TRPM3: variants seen among roughly 807,000 people sequenced by gnomAD.
The protein encoded by TRPM3 is long transient receptor potential channel 3.
In TRPM3, 77 loss-of-function variants were observed where a neutral mutation model predicts 181.2. That is an observed-to-expected ratio of 0.42 (90% CI 0.35 to 0.51). The LOEUF is 0.51. TRPM3 is among the 20% of genes least tolerant of loss of function. The pLI is 0.01. For missense variants in TRPM3, 1,759 were observed against 2,196.7 expected, an observed-to-expected ratio of 0.80 and a Z score of 3.98; for synonymous variants, 745 against 796.4, an observed-to-expected ratio of 0.94 and a Z score of 1.09.
intron 6 of TRPM3, chr9:70,809,884 T>C: frequency 2.0e-6 from 1 of 508,000 alleles, no homozygotes. Context: ...TTTTCATCTC[T>C]CTTATGGGAC....
At chr9:71,420,727 G>GAGAGAGAGGA (rs2093725193) in intron 1 of TRPM3, among the ~76,000 whole-genome samples, 4 of 45,322 alleles carry the variant, frequency 8.8e-5, no homozygotes, top group Non-Finnish European at 1.6e-4. Flanking sequence ...GAGAAAGAGA[G>GAGAGAGAGGA]AGAGAGAGAA....
chr9:70,638,682 G>A (rs2057598741), intron 11 of TRPM3, among the ~76,000 whole-genome samples: 1 of 152,192 alleles, frequency 6.6e-6, no homozygotes, highest in Non-Finnish European at 1.5e-5. Flanking sequence ...AATGGCGCAG[G>A]TTACTTAATC....
intron 1 of TRPM3, among the ~76,000 whole-genome samples, chr9:71,111,041 T>C (rs1170960007): frequency 6.6e-6 from 1 of 152,164 alleles, no homozygotes; most frequent in Non-Finnish European, 1.5e-5. Context: ...TGGATAACCA[T>C]CAATCAAACT....
At chr9:71,170,000 C>CAA (rs34087746) in intron 1 of TRPM3, among the ~76,000 whole-genome samples, 23 of 77,118 alleles carry the variant, frequency 3.0e-4, no homozygotes, top group East Asian at 8.0e-4. Context: ...GACTCTGTCT[C>CAA]AAAAAAAAAA....
At chr9:70,839,020 C>T (rs1045116581) in intron 5 of TRPM3, among the ~76,000 whole-genome samples, 3 of 152,136 alleles carry the variant, frequency 2.0e-5, no homozygotes, top group East Asian at 3.9e-4. Context: ...CCTCACCTTC[C>T]ACCTTCCACC....
At position 70,696,737 on chromosome 9, in the gene TRPM3, C is replaced by T. The variant is rs1282116961; in HGVS notation, c.1273-15159G>A. Among the ~76,000 whole-genome samples the T allele has an allele frequency of 3.3e-5, 5 of 151,988 alleles. No homozygotes were observed. In the South Asian group the frequency reaches 6.2e-4, roughly 19 times the overall value. On this transcript the variant is annotated intron_variant, in intron 8 of 25. Transcript: ENST00000677713. ...ATCTGAAAGCATTTGTAAACAGATACGAGATTATATTTTAACATGATGATT... is the reference window on the plus strand; with the variant it reads ...ATCTGAAAGCATTTGTAAACAGATATGAGATTATATTTTAACATGATGATT...
intron 1 of TRPM3, among the ~76,000 whole-genome samples, chr9:71,165,198 T>C (rs1272909362): frequency 1.3e-5 from 2 of 152,156 alleles, no homozygotes; most frequent in African/African-American, 4.8e-5. Context: ...CCTATACCTA[T>C]TTTCACAAGC....
intron 11 of TRPM3, among the ~76,000 whole-genome samples, chr9:70,637,540 T>G (rs1821499098): frequency 6.6e-6 from 1 of 151,946 alleles, no homozygotes; most frequent in African/African-American, 2.4e-5. Flanking sequence ...ATTTATTTAT[T>G]TTTTTTAATT....
intron 1 of TRPM3, among the ~76,000 whole-genome samples, chr9:70,930,422 C>T (rs557205480): frequency 4.1e-4 from 63 of 152,154 alleles, no homozygotes; most frequent in African/African-American, 1.4e-3. Context: ...TTTTATACTT[C>T]CTTTCATCAC....
At chr9:71,155,978 T>C (rs1227155135) in intron 1 of TRPM3, among the ~76,000 whole-genome samples, 2 of 152,112 alleles carry the variant, frequency 1.3e-5, no homozygotes, top group African/African-American at 2.4e-5. Context: ...TTGGCTCATC[T>C]GGTATTAAGC....
In TRPM3 at chr9:70,796,994, G is replaced by A. The variant is rs114095239; in HGVS notation, c.974-12715C>T. ...AAAATTTAAAAGTTAGCTGGGCATGGTGGTATATACCTTTAGTCCCAGCTA... is the reference window on the plus strand; with the variant it reads ...AAAATTTAAAAGTTAGCTGGGCATGATGGTATATACCTTTAGTCCCAGCTA... On this transcript the variant is annotated intron_variant, in intron 6 of 25. Coordinates refer to ENST00000677713, the MANE Select transcript of TRPM3 (RefSeq NM_001366145.2). Among the ~76,000 whole-genome samples the A allele has an allele frequency of 2.0e-3, 300 of 152,230 alleles. 3 individuals carry two copies. Among genetic ancestry groups the A allele is most frequent in the African/African-American group, 6.9e-3 (286 of 41,536 alleles).
intron 1 of TRPM3, among the ~76,000 whole-genome samples, chr9:71,259,183 T>C (rs925397840): frequency 9.9e-5 from 15 of 152,204 alleles, no homozygotes; most frequent in Non-Finnish European, 1.6e-4. Context: ...CTGAGAATGA[T>C]GGTTTCCAGC....
intron 3 of TRPM3, among the ~76,000 whole-genome samples, chr9:70,858,392 A>G (rs1261248503): frequency 6.6e-6 from 1 of 152,062 alleles, no homozygotes; most frequent in East Asian, 1.9e-4. Context: ...GTTTGAGAGG[A>G]TAAGAGGTAA....
At chr9:71,410,202 G>T (rs145892589) in intron 1 of TRPM3, among the ~76,000 whole-genome samples, 5,067 of 152,094 alleles carry the variant, frequency 0.033, 163 homozygotes, top group African/African-American at 0.09. Flanking sequence ...AAAAGAACTG[G>T]AGAAGCAAGA....
intron 1 of TRPM3, among the ~76,000 whole-genome samples, chr9:71,018,162 G>C (rs1314020067): frequency 6.6e-6 from 1 of 151,548 alleles, no homozygotes; most frequent in East Asian, 1.9e-4. Flanking sequence ...ATAACTTGAA[G>C]AATATCTCTA....
At chr9:71,446,957 G>A, upstream of TRPM3, 1 of 1,041,356 alleles carries the variant, frequency 9.6e-7, no homozygotes, top group Non-Finnish European at 1.3e-6. Flanking sequence ...TGCCTCCGCC[G>A]GCTCCTGCCA....
chr9:71,172,417 T>G (rs1403866547), intron 1 of TRPM3, among the ~76,000 whole-genome samples: 1 of 152,104 alleles, frequency 6.6e-6, no homozygotes, highest in African/African-American at 2.4e-5. Context: ...ATAATTTTTT[T>G]GTTTTTGAGA....
At chr9:71,238,229 T>C (rs1565372827) in intron 1 of TRPM3, among the ~76,000 whole-genome samples, 1 of 152,200 alleles carries the variant, frequency 6.6e-6, no homozygotes, top group Non-Finnish European at 1.5e-5. Context: ...CTCACATAGA[T>C]CATGAATAAG....
chr9:71,251,774 C>A (rs998921503), intron 1 of TRPM3, among the ~76,000 whole-genome samples: 1 of 152,078 alleles, frequency 6.6e-6, no homozygotes, highest in African/African-American at 2.4e-5. Context: ...GCTATAATCA[C>A]CCTGTTGTGC....
Sources: gnomAD v4.1 joint callset for allele counts (sites outside exome capture counted in the v4.1 genomes callset) on GRCh38, gnomAD v4.1.1 for gene constraint, MANE v1.5 for transcripts, NCBI Gene and HGNC (gene_info 2026-07-23, HGNC 2026-07-21) for gene names.